The following L3MBTL4 variants were observed in gnomAD, a reference collection of about 807,000 sequenced individuals.
The protein encoded by L3MBTL4 is lethal(3)malignant brain tumor-like protein 4.
In L3MBTL4, 70 loss-of-function variants were observed where a neutral mutation model predicts 84.5. The observed-to-expected ratio is 0.83, with a 90% confidence interval of 0.68 to 1.01. The LOEUF is 1.01. Among genes scored for constraint, L3MBTL4 ranks in the 50% least tolerant of loss-of-function variants. L3MBTL4 has a pLI of 0.00. For synonymous variants in L3MBTL4, 274 were observed against 259.8 expected, an observed-to-expected ratio of 1.05 and a Z score of -0.52; for missense variants, 715 against 754.8, an observed-to-expected ratio of 0.95 and a Z score of 0.62.
chr18:5,994,838 A>G (rs1447043720), intron 16 of L3MBTL4, among the ~76,000 whole-genome samples: 1 of 152,210 alleles, frequency 6.6e-6, no homozygotes, highest in African/African-American at 2.4e-5. Flanking sequence ...TACCCTTGAA[A>G]TTGTAAATTT....
At chr18:5,978,080 A>G (rs1259822076) in intron 16 of L3MBTL4, among the ~76,000 whole-genome samples, 1 of 152,228 alleles carries the variant, frequency 6.6e-6, no homozygotes, top group Non-Finnish European at 1.5e-5. Context: ...TGGCGCCTTC[A>G]GAGGAATTGT....
intron 13 of L3MBTL4, among the ~76,000 whole-genome samples, chr18:6,141,515 T>C (rs987711540): frequency 2.6e-5 from 4 of 152,190 alleles, no homozygotes. Context: ...CTTGTCCCCC[T>C]AGCCTTCTTC....
rs1478116388 is a variant in L3MBTL4 at position 6,138,214 on chromosome 18, T to C, written c.1179A>G (p.Pro393=). 6.2e-7 allele frequency: 1 copy of C among 1,611,840 alleles called. No homozygotes were observed. The highest frequency in any genetic ancestry group is 8.5e-7 in the Non-Finnish European group (1 of 1,178,442). ...GCRGIGHIRG[P]RYSGHHSAFG... is the part of the protein sequence containing the mutation. ...GTTACCTGTGATGTCCCGAATAACG[T>C]GGACCACGGATATGGCCTATTCCTC... The change falls in exon 14 of 19, where the codon CCA becomes CCG. Residue 393 remains proline (P), a synonymous_variant. Transcript: ENST00000317931.
intron 4 of L3MBTL4, among the ~76,000 whole-genome samples, chr18:6,300,082 G>T (rs2050272326): frequency 6.6e-6 from 1 of 151,958 alleles, no homozygotes; most frequent in South Asian, 2.1e-4. Context: ...TAAGACATGA[G>T]GTAAGAGACT....
At chr18:6,272,061 G>A (rs1483160286) in intron 4 of L3MBTL4, among the ~76,000 whole-genome samples, 4 of 152,234 alleles carry the variant, frequency 2.6e-5, no homozygotes, top group Non-Finnish European at 5.9e-5. Flanking sequence ...AGTCTTCGTT[G>A]ACTGTTGCTG....
intron 1 of L3MBTL4, among the ~76,000 whole-genome samples, chr18:6,333,201 A>C (rs765327894): frequency 2.6e-5 from 4 of 152,218 alleles, no homozygotes; most frequent in Non-Finnish European, 5.9e-5. Flanking sequence ...CAAGGGTAGG[A>C]ATCAATAATA....
At position 6,024,088 on chromosome 18, in the gene L3MBTL4, G is replaced by A. The variant is rs562862723; in HGVS notation, c.1445-54526C>T. 7.2e-5 allele frequency among the ~76,000 whole-genome samples: 11 copies of A among 152,154 alleles called. No homozygotes were observed. The East Asian group carries it at 2.1e-3, about 29-fold the overall frequency. On this transcript the variant is annotated intron_variant, in intron 16 of 18. Coordinates refer to ENST00000317931, the MANE Select transcript of L3MBTL4 (RefSeq NM_001330559.2). The stretch of plus-strand genomic sequence containing the variant: ...CACCGGGTTTCACCATGTTGGCCAG[G>A]CTGGTCTTGAACTCCTGACCTCAGG...
chr18:6,015,188 AGGCCAT>A (rs2054909558), intron 16 of L3MBTL4, among the ~76,000 whole-genome samples: 1 of 152,140 alleles, frequency 6.6e-6, no homozygotes, highest in Non-Finnish European at 1.5e-5. Context: ...CTGCTAACTG[AGGCCAT>A]GGAGTAGATG....
intron 4 of L3MBTL4, among the ~76,000 whole-genome samples, chr18:6,284,477 C>T (rs959146453): frequency 6.6e-6 from 1 of 152,192 alleles, no homozygotes; most frequent in African/African-American, 2.4e-5. Context: ...GAGGAAAGGG[C>T]CCGCAGCTCA....
chr18:6,260,815 A>G (rs895950948), intron 5 of L3MBTL4: 3 of 152,242 alleles, frequency 2.0e-5, no homozygotes, highest in Non-Finnish European at 2.9e-5. Flanking sequence ...ATGAAAATGA[A>G]CATTAATAGT....
rs1335911545 is a variant in L3MBTL4 at position 5,955,346 on chromosome 18, A to G, written c.*874T>C. ...CAGATGTAATATAACACAGCTCCTT[A>G]TTACAGGGGTTCTGGCAGACTGCAG... is the stretch of plus-strand genomic sequence containing the variant. On this transcript the variant is annotated 3_prime_UTR_variant, in exon 19 of 19. Transcript: ENST00000317931. 4 of 152,380 alleles carry G rather than the reference A, an allele frequency of 2.6e-5. No homozygotes were observed. Among genetic ancestry groups the G allele is most frequent in the South Asian group, 4.1e-4 (2 of 4,826 alleles). 9.4% of individuals were successfully genotyped at this position (152,380 alleles called of 1,614,324 possible). A position where few individuals can be genotyped will look rare whatever the true frequency, so the allele number is the denominator to read the frequency against.
At chr18:6,067,736 A>T (rs1163420939) in intron 16 of L3MBTL4, among the ~76,000 whole-genome samples, 1 of 152,114 alleles carries the variant, frequency 6.6e-6, no homozygotes, top group African/African-American at 2.4e-5. Flanking sequence ...ACCTTTCTCT[A>T]GTATCTCCTT....
chr18:6,330,629 C>T (rs1160768587), intron 1 of L3MBTL4, among the ~76,000 whole-genome samples: 1 of 152,194 alleles, frequency 6.6e-6, no homozygotes, highest in African/African-American at 2.4e-5. Flanking sequence ...ACCTTATTTC[C>T]ACCTTTCCAT....
At chr18:6,135,118 C>G (rs1428792730) in intron 14 of L3MBTL4, among the ~76,000 whole-genome samples, 2 of 152,194 alleles carry the variant, frequency 1.3e-5, no homozygotes, top group South Asian at 2.1e-4. Flanking sequence ...CTTGGGACTT[C>G]CACCCTCTGA....
intron 1 of L3MBTL4, among the ~76,000 whole-genome samples, chr18:6,391,439 C>T (rs1430007424): frequency 2.0e-5 from 3 of 152,042 alleles, no homozygotes; most frequent in African/African-American, 7.2e-5. Flanking sequence ...AGGATGACCA[C>T]TTTCACCATT....
chr18:6,078,354 G>A (rs541223750), intron 16 of L3MBTL4, among the ~76,000 whole-genome samples: 2 of 138,834 alleles, frequency 1.4e-5, no homozygotes, highest in South Asian at 4.7e-4. Context: ...TTGAACCCAG[G>A]AAGTGGAGAT....
chr18:6,170,740 G>T (rs528454182), intron 13 of L3MBTL4, among the ~76,000 whole-genome samples: 5 of 148,638 alleles, frequency 3.4e-5, no homozygotes, highest in African/African-American at 9.9e-5. Flanking sequence ...GGGTGTATTG[G>T]GGGGGGTTCA....
intron 14 of L3MBTL4, among the ~76,000 whole-genome samples, chr18:6,129,967 G>T (rs2144506165): frequency 6.6e-6 from 1 of 152,146 alleles, no homozygotes; most frequent in Non-Finnish European, 1.5e-5. Flanking sequence ...TCTCTGAAAT[G>T]GGTGAATTAA....
At chr18:6,018,240 A>C (rs2055089738) in intron 16 of L3MBTL4, among the ~76,000 whole-genome samples, 1 of 152,186 alleles carries the variant, frequency 6.6e-6, no homozygotes, top group African/African-American at 2.4e-5. Flanking sequence ...GCCCACCCCA[A>C]GGACAGTGAC....
Sources: gnomAD v4.1 joint callset for allele counts (sites outside exome capture counted in the v4.1 genomes callset) on GRCh38, gnomAD v4.1.1 for gene constraint, MANE v1.5 for transcripts, NCBI Gene and HGNC (gene_info 2026-07-23, HGNC 2026-07-21) for gene names.